Variants in ONECUT2 observed in about 807,000 individuals in gnomAD.
ONECUT2 encodes one cut domain family member 2.
In ONECUT2, 10 loss-of-function variants were observed where a neutral mutation model predicts 27.9. The observed-to-expected ratio is 0.36, with a 90% confidence interval of 0.22 to 0.61. The LOEUF is 0.61. Among genes scored for constraint, ONECUT2 ranks in the 20% least tolerant of loss-of-function variants. The pLI, the probability that ONECUT2 is intolerant of heterozygous loss-of-function variation, is 0.73. For synonymous variants in ONECUT2, 334 were observed against 315.1 expected (o/e 1.06, Z -0.64); for missense variants, 686 against 721.0 (o/e 0.95, Z 0.56).
chr18:57,436,586 G>A lies in ONECUT2; in HGVS notation c.870G>A (p.Ser290=). ...GLGTPPAAMM[S]HLNGLHHPGH... Reference sequence around the variant, plus strand: ...GCACCCCACCTGCGGCCATGATGTCGCACCTGAACGGCCTGCACCACCCGG... The same window carrying A: ...GCACCCCACCTGCGGCCATGATGTCACACCTGAACGGCCTGCACCACCCGG... Residue 290 remains serine, a synonymous_variant, in exon 1 of 2, where the codon TCG becomes TCA. Coordinates refer to ENST00000491143, the MANE Select transcript of ONECUT2 (RefSeq NM_004852.3). This position sits in a 1 kb window ranked among gnomAD's most constrained non-coding sequence, Gnocchi z 5.9. 6.2e-7 allele frequency: 1 copy of A among 1,610,414 alleles called. No individual in the cohort carries two copies.
chr18:57,461,546 G>T (rs1271067307), intron 1 of ONECUT2, among the ~76,000 whole-genome samples: 1 of 152,210 alleles, frequency 6.6e-6, no homozygotes, highest in Non-Finnish European at 1.5e-5. Flanking sequence ...ACTAGTAAAA[G>T]AGTGGAGAAG....
rs759685847 is a variant in ONECUT2, at chr18:57,436,450, G to A, written c.734G>A (p.Ser245Asn). 13 of 1,612,864 alleles carry A rather than the reference G, an allele frequency of 8.1e-6. No individual in the cohort carries two copies. Among genetic ancestry groups the A allele is most frequent in the Non-Finnish European group, 1.1e-5 (13 of 1,179,852 alleles). Residue 245 changes from serine (S) to asparagine (N), a missense_variant, in exon 1 of 2, where the codon AGT becomes AAT. Physicochemically the swap from Ser to Asn is conservative, Grantham distance 46 (BLOSUM62 1). Transcript: ENST00000491143. This position sits in a 1 kb window ranked among gnomAD's most constrained non-coding sequence, Gnocchi z 5.9. ...GGCGGCCTCCACAACGCGCAGCAGAGTCTGCCCAACTACGGTCCGCCGGGC... is the reference window on the plus strand; with the variant it reads ...GGCGGCCTCCACAACGCGCAGCAGAATCTGCCCAACTACGGTCCGCCGGGC... ...GLGGLHNAQQ[S>N]LPNYGPPGHD...
intron 1 of ONECUT2, among the ~76,000 whole-genome samples, chr18:57,441,394 C>T (rs2050173356): frequency 6.6e-6 from 1 of 152,228 alleles, no homozygotes; most frequent in African/African-American, 2.4e-5. Context: ...TGCCGCTTCG[C>T]CAGCTCTGCG....
At position 57,481,178 on chromosome 18, in the gene ONECUT2, A is replaced by G. The variant is rs1048458110; in HGVS notation, c.*4455A>G. On this transcript the variant is annotated 3_prime_UTR_variant, in exon 2 of 2. Transcript: ENST00000491143. ...ATACATTTCTTTTTTTAAAGGAAAC[A>G]GCAACAACAATAAAAACTCAGCACC... 4 of 152,198 alleles carry G rather than the reference A, an allele frequency of 2.6e-5. No individual in the cohort carries two copies. The highest frequency in any genetic ancestry group is 5.9e-5 in the Non-Finnish European group (4 of 68,034). 9.4% of individuals were successfully genotyped at this position (152,198 alleles called of 1,614,324 possible).
At chr18:57,450,804 C>T (rs553886356) in intron 1 of ONECUT2, among the ~76,000 whole-genome samples, 2 of 152,212 alleles carry the variant, frequency 1.3e-5, no homozygotes, top group Admixed American at 6.5e-5. Flanking sequence ...TTGTTAATAA[C>T]GTAAAGTTAC....
intron 1 of ONECUT2, among the ~76,000 whole-genome samples, chr18:57,440,288 G>A (rs961224684): frequency 1.3e-5 from 2 of 152,212 alleles, no homozygotes; most frequent in Admixed American, 1.3e-4. Context: ...GGGCCCCAGA[G>A]ACCTCTAAAC....
At chr18:57,464,387 G>A (rs1157220795) in intron 1 of ONECUT2, among the ~76,000 whole-genome samples, 2 of 151,626 alleles carry the variant, frequency 1.3e-5, no homozygotes, top group Non-Finnish European at 2.9e-5. Flanking sequence ...AATCATAGTG[G>A]TGCTTACACC....
At chr18:57,439,676 G>T (rs2050163334) in intron 1 of ONECUT2, among the ~76,000 whole-genome samples, 1 of 152,150 alleles carries the variant, frequency 6.6e-6, no homozygotes, top group Non-Finnish European at 1.5e-5. Context: ...CGGAATCCCC[G>T]CCGGTACGCC....
At position 57,476,789 on chromosome 18, in the gene ONECUT2, A is replaced by C; in HGVS notation, c.*66A>C. On this transcript the variant is annotated 3_prime_UTR_variant, in exon 2 of 2. Transcript: ENST00000491143. ...GGACAACAGATACCAAAAGAAAACAAAGGAAAAAGACACCGGATTCCTAGC... is the reference window on the plus strand; with the variant it reads ...GGACAACAGATACCAAAAGAAAACACAGGAAAAAGACACCGGATTCCTAGC... The C allele has an allele frequency of 6.6e-7, 1 of 1,519,142 alleles. No homozygotes were observed. Among genetic ancestry groups the C allele is most frequent in the Non-Finnish European group, 8.8e-7 (1 of 1,133,648 alleles). The allele number at this position is 1,519,142 out of a possible 1,614,324, so 94.1% of individuals were successfully genotyped here.
At chr18:57,464,227 T>C (rs183239659) in intron 1 of ONECUT2, among the ~76,000 whole-genome samples, 1 of 152,166 alleles carries the variant, frequency 6.6e-6, no homozygotes, top group Admixed American at 6.5e-5. Flanking sequence ...CGTAGAATTC[T>C]GCCTGTCAAA....
chr18:57,435,796 A>G lies in ONECUT2; in HGVS notation c.80A>G (p.Glu27Gly), dbSNP rs890163794. The G allele has an allele frequency of 1.4e-5, 18 of 1,256,822 alleles. No homozygotes were observed. The highest frequency in any genetic ancestry group is 4.1e-5 in the South Asian group (3 of 73,536). The allele number at this position is 1,256,822 out of a possible 1,614,324, so 77.9% of individuals were successfully genotyped here. ...GCCATGAACCCGGAGCTGACAATGGAAAGTCTGGGCACTTTGCACGGGCCG... is the reference window on the plus strand; with the variant it reads ...GCCATGAACCCGGAGCTGACAATGGGAAGTCTGGGCACTTTGCACGGGCCG... The part of the protein sequence containing the change: ...GCAMNPELTM[E>G]SLGTLHGPAG... The change falls in exon 1 of 2, where the codon GAA becomes GGA. Residue 27 changes from glutamate to glycine, a missense_variant. Physicochemically the swap from Glu to Gly is moderately conservative, Grantham distance 98 (BLOSUM62 -2). This residue lies in a region of ONECUT2 where 511 missense variants were observed against 488.1 expected (regional missense o/e 1.05). Coordinates refer to ENST00000491143, the MANE Select transcript of ONECUT2 (RefSeq NM_004852.3).
At chr18:57,440,509 C>G (rs1421798705) in intron 1 of ONECUT2, among the ~76,000 whole-genome samples, 4 of 152,260 alleles carry the variant, frequency 2.6e-5, no homozygotes, top group Non-Finnish European at 1.5e-5. Context: ...CAGTCCCCGC[C>G]GTAGTCCGAC....
intron 1 of ONECUT2, among the ~76,000 whole-genome samples, chr18:57,445,883 C>T (rs1291628611): frequency 1.3e-5 from 2 of 152,254 alleles, no homozygotes; most frequent in South Asian, 2.1e-4. Context: ...AGAGTTTTCT[C>T]ATTGGCTAAT....
Position 57,477,216 on chromosome 18 carries a change from T to A in ONECUT2, c.*493T>A, listed in dbSNP as rs2050388488. 6.3e-6 allele frequency: 1 copy of A among 158,824 alleles called. No individual in the cohort carries two copies. Among genetic ancestry groups the A allele is most frequent in the African/African-American group, 2.4e-5 (1 of 41,466 alleles). 9.8% of individuals were successfully genotyped at this position (158,824 alleles called of 1,614,324 possible). A position where few individuals can be genotyped will look rare whatever the true frequency, so the allele number is the denominator to read the frequency against. ...ATCTAGCAACGAGAATGACCTCATTTGCTTTCCACATGCTTAGCCTCATTA... is the reference window on the plus strand; with the variant it reads ...ATCTAGCAACGAGAATGACCTCATTAGCTTTCCACATGCTTAGCCTCATTA... On this transcript the variant is annotated 3_prime_UTR_variant, in exon 2 of 2. Coordinates refer to ENST00000491143, the MANE Select transcript of ONECUT2 (RefSeq NM_004852.3).
chr18:57,475,314 C>A (rs1220993936), intron 1 of ONECUT2, among the ~76,000 whole-genome samples: 1 of 152,050 alleles, frequency 6.6e-6, no homozygotes, highest in Non-Finnish European at 1.5e-5. Context: ...CCTTGGCCTC[C>A]CAAAGTGCTG....
Position 57,487,297 on chromosome 18 carries a change from G to A in ONECUT2, c.*10574G>A, listed in dbSNP as rs563814. On this transcript the variant is annotated 3_prime_UTR_variant, in exon 2 of 2. Coordinates refer to ENST00000491143, the MANE Select transcript of ONECUT2 (RefSeq NM_004852.3). Reference sequence around the variant, plus strand: ...ATCCTCATAACCCAAATATATCACCGTATGTGAGAGGGATTTGAAAGCGAG... The same window carrying A: ...ATCCTCATAACCCAAATATATCACCATATGTGAGAGGGATTTGAAAGCGAG... The A allele has an allele frequency of 0.39, 58,603 of 151,978 alleles. 11,814 individuals are homozygous for A. Among genetic ancestry groups the A allele is most frequent in the East Asian group, 0.48 (2,500 of 5,170 alleles). 9.4% of individuals were successfully genotyped at this position (151,978 alleles called of 1,614,324 possible).
intron 1 of ONECUT2, among the ~76,000 whole-genome samples, chr18:57,473,004 C>T (rs1477894299): frequency 6.6e-6 from 1 of 152,200 alleles, no homozygotes; most frequent in East Asian, 1.9e-4. Flanking sequence ...CACCAGTTGT[C>T]CCAGGGGTAG....
At chr18:57,476,319 G>C (rs977090647) in intron 1 of ONECUT2, 118 bp from the exon 2 acceptor site, 8 of 1,059,872 alleles carry the variant, frequency 7.5e-6, no homozygotes, top group Admixed American at 5.2e-5. Context: ...CAGCTGGGCA[G>C]TTTGCACAAT....
intron 1 of ONECUT2, 76 bp downstream of exon 1, chr18:57,437,020 G>A (rs2050146601): frequency 1.3e-6 from 2 of 1,486,250 alleles, no homozygotes; most frequent in Admixed American, 4.6e-5. Flanking sequence ...CCAAGTCTGC[G>A]CGCCGAGTCA....
Sources: allele counts gnomAD v4.1 joint callset (sites outside exome capture counted in the v4.1 genomes callset), GRCh38; gene constraint gnomAD v4.1.1; regional missense constraint gnomAD v4.1.1; non-coding constraint Gnocchi (gnomAD v3.1); transcripts MANE v1.5; gene names NCBI Gene and HGNC (gene_info 2026-07-23, HGNC 2026-07-21).